ZFAND3: variants seen among roughly 807,000 people sequenced by gnomAD.
ZFAND3 encodes the protein AN1-type zinc finger protein 3.
ZFAND3 carries 10 observed loss-of-function variants against 29.6 expected under a neutral mutation model. The ratio of observed to expected loss-of-function variants is 0.34; its 90% confidence interval spans 0.21 to 0.57. The LOEUF (loss-of-function observed/expected upper bound fraction) is 0.57, where lower values mean the gene tolerates loss of function less well. ZFAND3 is among the 20% of genes least tolerant of loss of function. The pLI is 0.86. For synonymous variants in ZFAND3, 128 were observed against 112.6 expected, an observed-to-expected ratio of 1.14 and a Z score of -0.87; for missense variants, 230 against 304.5, an observed-to-expected ratio of 0.76 and a Z score of 1.82.
intron 2 of ZFAND3, among the ~76,000 whole-genome samples, chr6:37,938,566 T>G (rs545125832): frequency 2.0e-5 from 3 of 152,182 alleles, no homozygotes. Flanking sequence ...CTCTGTTCTT[T>G]ATGGTGTAGC....
intron 2 of ZFAND3, among the ~76,000 whole-genome samples, chr6:38,018,632 CT>C (rs1763291742): frequency 6.6e-6 from 1 of 152,086 alleles, no homozygotes; most frequent in Non-Finnish European, 1.5e-5. Context: ...AATGCTCATT[CT>C]TTTATTGTGG....
At chr6:38,078,113 C>T (rs780003852) in intron 3 of ZFAND3, among the ~76,000 whole-genome samples, 13 of 152,162 alleles carry the variant, frequency 8.5e-5, no homozygotes, top group Non-Finnish European at 1.5e-4. Context: ...ACTCTTTCCC[C>T]GGGAAAATCT....
At chr6:38,016,115 A>G (rs1763248171) in intron 2 of ZFAND3, among the ~76,000 whole-genome samples, 1 of 150,648 alleles carries the variant, frequency 6.6e-6, no homozygotes, top group African/African-American at 2.4e-5. Flanking sequence ...AGTAGTTCAG[A>G]ACTTAGGTTT....
intron 2 of ZFAND3, among the ~76,000 whole-genome samples, chr6:38,031,150 C>T (rs555119976): frequency 2.0e-4 from 31 of 152,254 alleles, no homozygotes; most frequent in African/African-American, 7.0e-4. Context: ...TTTTTCACTA[C>T]GTAGTTTTTT....
At position 38,082,287 on chromosome 6, in the gene ZFAND3, C is replaced by T. The variant is rs576407175; in HGVS notation, c.296-105C>T. 4.4e-5 allele frequency: 43 copies of T among 983,530 alleles called. No individual in the cohort carries two copies. The African/African-American group carries it at 6.1e-4, about 14-fold the overall frequency. 60.9% of individuals were successfully genotyped at this position (983,530 alleles called of 1,614,324 possible). On this transcript the variant is annotated intron_variant, in intron 3 of 5. Transcript: ENST00000287218. ...CTACTACTTCTCCTCGTTATATTTT[C>T]AGGTTGATCTTTTCCTTTTTAAAGT...
chr6:37,961,005 A>G (rs1421026767), intron 2 of ZFAND3, among the ~76,000 whole-genome samples: 2 of 152,198 alleles, frequency 1.3e-5, no homozygotes, highest in East Asian at 1.9e-4. Context: ...AGCCTGGGAT[A>G]TTGAGGCTGC....
intron 4 of ZFAND3, among the ~76,000 whole-genome samples, chr6:38,115,156 CTG>C (rs1188386552): frequency 6.6e-6 from 1 of 152,122 alleles, no homozygotes; most frequent in Non-Finnish European, 1.5e-5. Flanking sequence ...GGCTGGGGGA[CTG>C]TGAGCAAACT....
intron 1 of ZFAND3, among the ~76,000 whole-genome samples, chr6:37,838,528 G>T (rs1475995747): frequency 1.3e-5 from 2 of 152,124 alleles, no homozygotes; most frequent in Non-Finnish European, 2.9e-5. Context: ...TCTACTTTCT[G>T]GTTCTATGGA....
At position 38,090,976 on chromosome 6, in the gene ZFAND3, C is replaced by T. The variant is rs560915297; in HGVS notation, c.361+8519C>T. Among the ~76,000 whole-genome samples, 9 of 152,264 alleles carry T rather than the reference C, an allele frequency of 5.9e-5. No homozygotes were observed. In the East Asian group the frequency reaches 1.7e-3, roughly 29 times the overall value. ...ATGTATAATGTGTCAGTTTGCTATA[C>T]TTAAAGTCAAAAACTTGTATCCAAG... On this transcript the variant is annotated intron_variant, in intron 4 of 5. Coordinates refer to ENST00000287218, the MANE Select transcript of ZFAND3 (RefSeq NM_021943.3).
At chr6:38,072,444 A>G (rs1051865613) in intron 3 of ZFAND3, among the ~76,000 whole-genome samples, 1 of 152,142 alleles carries the variant, frequency 6.6e-6, no homozygotes, top group African/African-American at 2.4e-5. Flanking sequence ...CCTGCCCCCA[A>G]TATGGATTTC....
chr6:37,954,960 A>G (rs531161199), intron 2 of ZFAND3, among the ~76,000 whole-genome samples: 90 of 152,300 alleles, frequency 5.9e-4, no homozygotes, highest in African/African-American at 1.8e-3. Flanking sequence ...AGTTACCTCT[A>G]ACCCTTTCAA....
At chr6:37,928,049 A>C (rs1761521030) in intron 1 of ZFAND3, among the ~76,000 whole-genome samples, 1 of 151,966 alleles carries the variant, frequency 6.6e-6, no homozygotes, top group South Asian at 2.1e-4. Flanking sequence ...TTATCTTTTT[A>C]CTCATCTTAT....
intron 1 of ZFAND3, among the ~76,000 whole-genome samples, chr6:37,887,868 C>T (rs1189065043): frequency 6.6e-6 from 1 of 152,160 alleles, no homozygotes; most frequent in African/African-American, 2.4e-5. Context: ...TTTTGGAAAA[C>T]AAGTGGCCTT....
intron 2 of ZFAND3, among the ~76,000 whole-genome samples, chr6:37,985,961 C>CT (rs943145869): frequency 8.5e-5 from 13 of 152,194 alleles, no homozygotes; most frequent in African/African-American, 3.1e-4. Context: ...ACCTCCTGTG[C>CT]TAAAAGCATT....
chr6:37,987,014 A>G (rs912233041), intron 2 of ZFAND3, among the ~76,000 whole-genome samples: 61 of 152,244 alleles, frequency 4.0e-4, no homozygotes, highest in African/African-American at 1.4e-3. Flanking sequence ...TCCTGAATAT[A>G]GGGCAATGAT....
rs1766273751 is a variant in ZFAND3 at position 38,153,289 on chromosome 6, G to A, written c.*900G>A. Reference sequence around the variant, plus strand: ...GAGTTTTTTAAAAAGACATTTCATAGCCAACAAGAATCAGTAGAAGTGCTG... The same window carrying A: ...GAGTTTTTTAAAAAGACATTTCATAACCAACAAGAATCAGTAGAAGTGCTG... On this transcript the variant is annotated 3_prime_UTR_variant, in exon 6 of 6. Coordinates refer to ENST00000287218, the MANE Select transcript of ZFAND3 (RefSeq NM_021943.3). 2.0e-6 allele frequency: 2 copies of A among 985,394 alleles called. No homozygotes were observed. Among genetic ancestry groups the A allele is most frequent in the African/African-American group, 3.5e-5 (2 of 57,270 alleles). The allele number at this position is 985,394 out of a possible 1,614,324, so 61.0% of individuals were successfully genotyped here. A position where few individuals can be genotyped will look rare whatever the true frequency, so the allele number is the denominator to read the frequency against.
chr6:38,126,081 G>A (rs1432006048), intron 5 of ZFAND3, among the ~76,000 whole-genome samples: 2 of 152,048 alleles, frequency 1.3e-5, no homozygotes, highest in African/African-American at 2.4e-5. Context: ...CCCCTTTTCA[G>A]TCGATCCATA....
At chr6:37,947,252 A>G (rs1761919769) in intron 2 of ZFAND3, among the ~76,000 whole-genome samples, 1 of 152,218 alleles carries the variant, frequency 6.6e-6, no homozygotes, top group Non-Finnish European at 1.5e-5. Context: ...AGTAGAGAGC[A>G]GAAAATAAAA....
At chr6:37,859,699 A>T (rs1764445079) in intron 1 of ZFAND3, among the ~76,000 whole-genome samples, 1 of 152,072 alleles carries the variant, frequency 6.6e-6, no homozygotes, top group African/African-American at 2.4e-5. Context: ...ATATTGTGGG[A>T]CTGGCCTTGT....
Sources: gnomAD v4.1 joint callset for allele counts (sites outside exome capture counted in the v4.1 genomes callset) on GRCh38, gnomAD v4.1.1 for gene constraint, MANE v1.5 for transcripts, NCBI Gene and HGNC (gene_info 2026-07-23, HGNC 2026-07-21) for gene names.